Variants in EVI5L observed in about 807,000 individuals in gnomAD.
EVI5L encodes the protein EVI5-like protein.
EVI5L carries 30 observed loss-of-function variants against 106.1 expected under a neutral mutation model. The observed-to-expected ratio is 0.28, with a 90% confidence interval of 0.21 to 0.38. EVI5L has a LOEUF of 0.38. Among genes scored for constraint, EVI5L ranks in the 10% least tolerant of loss-of-function variants. The probability of loss-of-function intolerance (pLI) is 1.00; values close to 1 mark genes in which losing one functional copy is unlikely to be tolerated. For synonymous variants in EVI5L, 489 were observed against 483.3 expected (o/e 1.01, Z -0.15); for missense variants, 809 against 1,098.0 (o/e 0.74, Z 3.72).
At chr19:7,840,705 G>A (rs1228421237) in intron 1 of EVI5L, among the ~76,000 whole-genome samples, 2 of 151,924 alleles carry the variant, frequency 1.3e-5, no homozygotes, top group African/African-American at 4.8e-5. Flanking sequence ...CCGTATAAAG[G>A]GAGTCACACA....
At chr19:7,842,973 CTATG>C (rs1330636359) in intron 1 of EVI5L, among the ~76,000 whole-genome samples, 3 of 150,302 alleles carry the variant, frequency 2.0e-5, no homozygotes, top group African/African-American at 7.4e-5. Context: ...AAACGTGTGA[CTATG>C]GATGAGCACG....
At chr19:7,860,954 G>A (rs1019513225) in intron 14 of EVI5L, among the ~76,000 whole-genome samples, 7 of 152,272 alleles carry the variant, frequency 4.6e-5, no homozygotes, top group African/African-American at 1.4e-4. Context: ...TGGGTTCCAG[G>A]AAGGAAGGGA....
rs1181747968 is a variant in EVI5L, at chr19:7,850,097, T to C, written c.728T>C (p.Ile243Thr). 6.2e-7 allele frequency: 1 copy of C among 1,605,322 alleles called. No individual in the cohort carries two copies. The highest frequency in any genetic ancestry group is 8.5e-7 in the Non-Finnish European group (1 of 1,176,458). The change falls in exon 6 of 20, where the codon ATC (isoleucine) becomes ACC (threonine). Residue 243 changes from isoleucine to threonine, a missense_variant. By Grantham distance (89) the Ile-to-Thr change is moderately conservative. Transcript: ENST00000538904. This position sits in a 1 kb window ranked among gnomAD's most constrained non-coding sequence, Gnocchi z 5.4. The part of the protein sequence containing the change: ...KPSMAELGLC[I>T]YQFEYMLQEQ... Reference sequence around the variant, plus strand: ...AGCATGGCCGAGCTCGGGCTCTGCATCTATCAGTTCGAGTACATGCTGCAG... The same window carrying C: ...AGCATGGCCGAGCTCGGGCTCTGCACCTATCAGTTCGAGTACATGCTGCAG...
chr19:7,850,702 G>A lies in EVI5L; in HGVS notation c.753+580G>A, dbSNP rs1040603540. ...TGGATGTGACAGCCCCACTCCCTGG[G>A]CCTGGATCATGGACGGTGCTGTAGC... is the stretch of plus-strand genomic sequence containing the variant. On this transcript the variant is annotated intron_variant, in intron 6 of 19. Coordinates refer to ENST00000538904, the MANE Select transcript of EVI5L (RefSeq NM_001159944.3). The surrounding 1 kb of genome is among the most constrained non-coding windows in gnomAD (Gnocchi z 5.4). Among the ~76,000 whole-genome samples the A allele has an allele frequency of 5.9e-5, 9 of 152,148 alleles. No individual in the cohort carries two copies. Among genetic ancestry groups the A allele is most frequent in the South Asian group, 2.1e-4 (1 of 4,828 alleles).
chr19:7,853,393 G>T, intron 10 of EVI5L, 60 bp downstream of exon 10: 1 of 1,563,192 alleles, frequency 6.4e-7, no homozygotes, highest in Admixed American at 1.9e-5. Flanking sequence ...GCTGCCCTCC[G>T]TACTCTAAAG....
At chr19:7,831,662 G>T (rs539520623) in intron 1 of EVI5L, among the ~76,000 whole-genome samples, 4 of 152,172 alleles carry the variant, frequency 2.6e-5, no homozygotes, top group African/African-American at 9.7e-5. Context: ...CTAGTGTCCC[G>T]AAGGAACCAC....
Position 7,863,931 on chromosome 19 carries a change from T to G in EVI5L, c.*229T>G. On this transcript the variant is annotated 3_prime_UTR_variant, in exon 20 of 20. Coordinates refer to ENST00000538904, the MANE Select transcript of EVI5L (RefSeq NM_001159944.3). The surrounding 1 kb of genome is among the most constrained non-coding windows in gnomAD (Gnocchi z 7.7). ...CCAGCAGTGTTTACCCATCTTGGTC[T>G]GTACCCCTCCGGGCCCTCTGGCGTT... 1.8e-6 allele frequency: 1 copy of G among 557,346 alleles called. No homozygotes were observed. The highest frequency in any genetic ancestry group is 3.4e-5 in the East Asian group (1 of 29,448). 34.5% of individuals were successfully genotyped at this position (557,346 alleles called of 1,614,324 possible).
chr19:7,859,398 G>A (rs1979691432), intron 13 of EVI5L, among the ~76,000 whole-genome samples: 1 of 152,168 alleles, frequency 6.6e-6, no homozygotes, highest in Non-Finnish European at 1.5e-5. Flanking sequence ...GAGAAACCAT[G>A]GAGTGCTTGA....
chr19:7,855,957 G>T (rs562877968), intron 10 of EVI5L, 58 bp from the exon 11 acceptor site: 5 of 1,309,694 alleles, frequency 3.8e-6, no homozygotes, highest in Non-Finnish European at 2.9e-6. Flanking sequence ...TAAATGAGGG[G>T]TGCATGTAGA....
rs751748762 is a variant in EVI5L at position 7,857,088 on chromosome 19, G to A, written c.1201-4G>A. The A allele has an allele frequency of 1.3e-5, 20 of 1,551,708 alleles. No homozygotes were observed. Among genetic ancestry groups the A allele is most frequent in the Non-Finnish European group, 1.7e-5 (20 of 1,147,020 alleles). On this transcript the variant is annotated splice_polypyrimidine_tract_variant and splice_region_variant and intron_variant, in intron 11 of 19. Transcript: ENST00000538904. This position sits in a 1 kb window ranked among gnomAD's most constrained non-coding sequence, Gnocchi z 4.5. ...TGTCGCTGGGAACCCCCTTCGCCGG[G>A]TAGGAGAGCGCTGCTCTGGCTGATA...
rs749174855 is a variant in EVI5L, at chr19:7,848,916, G to A, written c.328-5G>A. ...CCAGCCCCCGCTTCCCGCTCCCGTGGCCAGGAGCTGATCCGCAAGGGCATC... is the reference window on the plus strand; with the variant it reads ...CCAGCCCCCGCTTCCCGCTCCCGTGACCAGGAGCTGATCCGCAAGGGCATC... On this transcript the variant is annotated splice_polypyrimidine_tract_variant and splice_region_variant and intron_variant, in intron 3 of 19. Transcript: ENST00000538904. The surrounding 1 kb of genome is among the most constrained non-coding windows in gnomAD (Gnocchi z 4.8). 4.4e-6 allele frequency: 7 copies of A among 1,605,384 alleles called. No individual in the cohort carries two copies. The South Asian group carries it at 6.6e-5, about 15-fold the overall frequency.
chr19:7,842,163 CTG>C (rs551236554), intron 1 of EVI5L, among the ~76,000 whole-genome samples: 5 of 151,048 alleles, frequency 3.3e-5, no homozygotes, highest in African/African-American at 7.3e-5. Flanking sequence ...GAGGTGTGTA[CTG>C]TGTGTGTGAA....
At chr19:7,859,442 T>C (rs1487965083) in intron 13 of EVI5L, among the ~76,000 whole-genome samples, 1 of 152,180 alleles carries the variant, frequency 6.6e-6, no homozygotes, top group Non-Finnish European at 1.5e-5. Context: ...AGGTGCCCCC[T>C]CCGCCCCCAG....
Position 7,848,869 on chromosome 19 carries a change from G to A in EVI5L, c.328-52G>A. 1 of 1,566,320 alleles carries A rather than the reference G, an allele frequency of 6.4e-7. No individual in the cohort carries two copies. The highest frequency in any genetic ancestry group is 8.7e-7 in the Non-Finnish European group (1 of 1,149,808). Reference sequence around the variant, plus strand: ...GAGGAGCTGGGCTGGGTGGCCACGGGGAGGCTGCGCTGGGACCGAGTCCAG... The same window carrying A: ...GAGGAGCTGGGCTGGGTGGCCACGGAGAGGCTGCGCTGGGACCGAGTCCAG... On this transcript the variant is annotated intron_variant, in intron 3 of 19. Transcript: ENST00000538904. This position sits in a 1 kb window ranked among gnomAD's most constrained non-coding sequence, Gnocchi z 4.8.
At position 7,863,742 on chromosome 19, in the gene EVI5L, G is replaced by A; in HGVS notation, c.*40G>A. The A allele has an allele frequency of 1.4e-6, 2 of 1,428,472 alleles. No homozygotes were observed. Among genetic ancestry groups the A allele is most frequent in the Non-Finnish European group, 1.8e-6 (2 of 1,097,282 alleles). The allele number at this position is 1,428,472 out of a possible 1,614,324, so 88.5% of individuals were successfully genotyped here. ...CGCCCGGAGTCAGGAGGCCGCAGCCGCGGGGGGCGCCCGGGCAGTCCGCGT... is the reference window on the plus strand; with the variant it reads ...CGCCCGGAGTCAGGAGGCCGCAGCCACGGGGGGCGCCCGGGCAGTCCGCGT... On this transcript the variant is annotated 3_prime_UTR_variant, in exon 20 of 20. Transcript: ENST00000538904. The surrounding 1 kb of genome is among the most constrained non-coding windows in gnomAD (Gnocchi z 7.7).
chr19:7,843,399 G>A (rs1200933233), intron 1 of EVI5L, among the ~76,000 whole-genome samples: 4 of 133,284 alleles, frequency 3.0e-5, no homozygotes, highest in African/African-American at 1.1e-4. Context: ...GTGCATAGGT[G>A]TGTGAGTGTG....
At chr19:7,844,446 C>T (rs1202346370) in intron 1 of EVI5L, among the ~76,000 whole-genome samples, 1 of 152,206 alleles carries the variant, frequency 6.6e-6, no homozygotes, top group East Asian at 1.9e-4. Context: ...CACTGCTCCC[C>T]AACTCCATCT....
rs1452144966 is a variant in EVI5L at position 7,863,083 on chromosome 19, G to C, written c.2043+16G>C. On this transcript the variant is annotated intron_variant, in intron 18 of 19. Coordinates refer to ENST00000538904, the MANE Select transcript of EVI5L (RefSeq NM_001159944.3). The surrounding 1 kb of genome is among the most constrained non-coding windows in gnomAD (Gnocchi z 7.7). ...GGAGATCCAGGTGATCGGCGGGGCC[G>C]GGGTCGGGGGGCGGGGGCGGGGGCA... is the stretch of plus-strand genomic sequence containing the variant. The C allele has an allele frequency of 7.6e-6, 10 of 1,309,742 alleles. No homozygotes were observed. In the Admixed American group the frequency reaches 1.6e-4, roughly 21 times the overall value. 81.1% of individuals were successfully genotyped at this position (1,309,742 alleles called of 1,614,324 possible). A position where few individuals can be genotyped will look rare whatever the true frequency, so the allele number is the denominator to read the frequency against.
chr19:7,854,281 CAAAA>C (rs56186481), intron 10 of EVI5L, among the ~76,000 whole-genome samples: 3 of 94,760 alleles, frequency 3.2e-5, no homozygotes, highest in Non-Finnish European at 4.2e-5. Flanking sequence ...GACTGTGTCT[CAAAA>C]AAAAAAAAAA....
Sources: gnomAD v4.1 joint callset for allele counts (sites outside exome capture counted in the v4.1 genomes callset) on GRCh38, gnomAD v4.1.1 for gene constraint, Gnocchi (gnomAD v3.1) non-coding constraint, MANE v1.5 for transcripts, NCBI Gene and HGNC (gene_info 2026-07-23, HGNC 2026-07-21) for gene names.